Variants in KCNAB1 observed in about 807,000 individuals in gnomAD.
The protein encoded by KCNAB1 is voltage-gated potassium channel subunit beta-1.
A neutral mutation model predicts 64.6 loss-of-function variants in KCNAB1; 35 were observed. That is an observed-to-expected ratio of 0.54 (90% CI 0.41 to 0.72). The LOEUF is 0.72. Ranked by LOEUF, KCNAB1 falls within the 30% of genes least tolerant of loss-of-function variation. KCNAB1 has a pLI of 0.00. For synonymous variants in KCNAB1, 177 were observed against 183.8 expected (o/e 0.96, Z 0.30); for missense variants, 401 against 512.9 (o/e 0.78, Z 2.11).
chr3:156,454,088 TG>T (rs1435412745), intron 3 of KCNAB1, among the ~76,000 whole-genome samples: 3 of 152,234 alleles, frequency 2.0e-5, no homozygotes, highest in Non-Finnish European at 4.4e-5. Flanking sequence ...TGTATATTCT[TG>T]TCCATCCTAA....
intron 8 of KCNAB1, among the ~76,000 whole-genome samples, chr3:156,480,027 C>T (rs1714674896): frequency 6.6e-6 from 1 of 152,110 alleles, no homozygotes; most frequent in African/African-American, 2.4e-5. Context: ...AAAAACATTG[C>T]AGTATCCCAA....
At chr3:156,266,127 C>G (rs1319907644) in intron 1 of KCNAB1, among the ~76,000 whole-genome samples, 1 of 152,194 alleles carries the variant, frequency 6.6e-6, no homozygotes, top group Non-Finnish European at 1.5e-5. Context: ...TTCAAATCTT[C>G]TCCTACATTT....
chr3:156,285,655 C>G (rs1326814730), intron 1 of KCNAB1, among the ~76,000 whole-genome samples: 3 of 152,184 alleles, frequency 2.0e-5, no homozygotes, highest in Admixed American at 6.5e-5. Flanking sequence ...TAGGGGCCAT[C>G]ATGCCCAGCT....
chr3:156,128,634 G>A (rs571119353), intron 1 of KCNAB1, among the ~76,000 whole-genome samples: 1 of 152,256 alleles, frequency 6.6e-6, no homozygotes, highest in South Asian at 2.1e-4. Context: ...TCATAAAGGC[G>A]ATGTGCCTGA....
chr3:156,269,398 T>C (rs1315321852), intron 1 of KCNAB1, among the ~76,000 whole-genome samples: 1 of 152,242 alleles, frequency 6.6e-6, no homozygotes, highest in Non-Finnish European at 1.5e-5. Context: ...ACTTGTCTTG[T>C]GGCCTAACAT....
At chr3:156,503,676 A>G (rs13059246) in intron 8 of KCNAB1, among the ~76,000 whole-genome samples, 84,551 of 152,000 alleles carry the variant, frequency 0.56, 24,685 homozygotes, top group African/African-American at 0.74. Flanking sequence ...GTGAAAGATA[A>G]AGGTGGAGGG....
intron 2 of KCNAB1, among the ~76,000 whole-genome samples, chr3:156,450,863 A>T (rs1389606434): frequency 8.0e-5 from 8 of 100,088 alleles, no homozygotes; most frequent in South Asian, 3.7e-4. Flanking sequence ...CCATCCACCC[A>T]CCCCCCCCCA....
chr3:156,198,763 C>G (rs1714127796), intron 1 of KCNAB1, among the ~76,000 whole-genome samples: 1 of 151,194 alleles, frequency 6.6e-6, no homozygotes, highest in Admixed American at 6.6e-5. Context: ...ATTTGCCAGT[C>G]TGTGTCTTTT....
intron 1 of KCNAB1, among the ~76,000 whole-genome samples, chr3:156,242,397 G>A (rs1044172106): frequency 1.3e-5 from 2 of 152,068 alleles, no homozygotes. Context: ...TGTCTCTCCA[G>A]CAGTACACAC....
intron 1 of KCNAB1, among the ~76,000 whole-genome samples, chr3:156,322,174 A>G (rs1036999347): frequency 6.6e-6 from 1 of 152,236 alleles, no homozygotes; most frequent in Non-Finnish European, 1.5e-5. Context: ...CTCCCAGCTC[A>G]TACTCGTCCC....
At chr3:156,217,451 A>G (rs1715397985) in intron 1 of KCNAB1, among the ~76,000 whole-genome samples, 2 of 152,238 alleles carry the variant, frequency 1.3e-5, no homozygotes, top group African/African-American at 4.8e-5. Flanking sequence ...TTTAAAAATG[A>G]CTTTCTTAAG....
rs528298290 is a variant in KCNAB1, at chr3:156,508,511, A to G, written c.659-5853A>G. ...TTCACTCAGAACAAATAGTTGTATT[A>G]ATTTCTTTGACATAAAATGCATATT... On this transcript the variant is annotated intron_variant, in intron 8 of 13. Transcript: ENST00000490337. This position sits in a 1 kb window ranked among gnomAD's most constrained non-coding sequence, Gnocchi z 4.1. 6.6e-6 allele frequency among the ~76,000 whole-genome samples: 1 copy of G among 152,338 alleles called. No homozygotes were observed. Among genetic ancestry groups the G allele is most frequent in the South Asian group, 2.1e-4 (1 of 4,830 alleles).
intron 1 of KCNAB1, among the ~76,000 whole-genome samples, chr3:156,256,812 T>C (rs1257228585): frequency 6.6e-6 from 1 of 152,238 alleles, no homozygotes; most frequent in Non-Finnish European, 1.5e-5. Flanking sequence ...TGGCTTCTAG[T>C]TGGGTTCAGC....
intron 1 of KCNAB1, chr3:156,142,904 T>C (rs1304131366): frequency 1.1e-6 from 1 of 914,214 alleles, no homozygotes; most frequent in East Asian, 6.5e-5. Context: ...TTGCTTATGT[T>C]TGACTCTGAG....
intron 11 of KCNAB1, 99 bp from the exon 12 acceptor site, chr3:156,523,728 A>G (rs1718107570): frequency 8.3e-7 from 1 of 1,200,764 alleles, no homozygotes; most frequent in East Asian, 2.4e-5. Flanking sequence ...CAAAAAATTC[A>G]GAAAATCATT....
At chr3:156,253,451 T>G (rs1717943383) in intron 1 of KCNAB1, among the ~76,000 whole-genome samples, 1 of 152,076 alleles carries the variant, frequency 6.6e-6, no homozygotes, top group Non-Finnish European at 1.5e-5. Flanking sequence ...CAGGGCTGAG[T>G]GCTATTAATC....
chr3:156,438,556 A>G (rs4680267), intron 2 of KCNAB1, among the ~76,000 whole-genome samples: 93,411 of 152,056 alleles, frequency 0.61, 28,931 homozygotes, highest in Admixed American at 0.7. Context: ...TGAAAAAGTC[A>G]TTTATGTTCT....
intron 1 of KCNAB1, chr3:156,291,853 G>C (rs1720454137): frequency 1.2e-6 from 2 of 1,607,322 alleles, no homozygotes; most frequent in South Asian, 1.1e-5. Context: ...TCAACCTCTC[G>C]TGACTGCCTG....
At chr3:156,314,878 G>T (rs1452722069) in intron 1 of KCNAB1, among the ~76,000 whole-genome samples, 7 of 152,132 alleles carry the variant, frequency 4.6e-5, no homozygotes, top group South Asian at 4.1e-4. Flanking sequence ...GCCAGACATG[G>T]TGGCACATGC....
Sources: gnomAD v4.1 joint callset for allele counts (sites outside exome capture counted in the v4.1 genomes callset) on GRCh38, gnomAD v4.1.1 for gene constraint, Gnocchi (gnomAD v3.1) non-coding constraint, MANE v1.5 for transcripts, NCBI Gene and HGNC (gene_info 2026-07-23, HGNC 2026-07-21) for gene names.